The following WFDC1 variants were observed in gnomAD, a reference collection of about 807,000 sequenced individuals.
WFDC1 encodes the protein WAP four-disulfide core domain protein 1.
In WFDC1, 39 loss-of-function variants were observed where a neutral mutation model predicts 32.9. The observed-to-expected ratio is 1.19, with a 90% CI of 0.92 to 1.55. The LOEUF (loss-of-function observed/expected upper bound fraction) is 1.55, where lower values mean the gene tolerates loss of function less well. Among genes scored for constraint, WFDC1 ranks in the 40% most tolerant of loss-of-function variants. The pLI, the probability that WFDC1 is intolerant of heterozygous loss-of-function variation, is 0.00. For synonymous variants in WFDC1, 184 were observed against 137.4 expected (o/e 1.34, Z -2.37); for missense variants, 386 against 309.5 (o/e 1.25, Z -1.85).
At position 84,313,073 on chromosome 16, in the gene WFDC1, A is replaced by T; in HGVS notation, c.257A>T (p.Asp86Val). 2.1e-6 allele frequency: 3 copies of T among 1,421,718 alleles called. No homozygotes were observed. The highest frequency in any genetic ancestry group is 2.7e-6 in the Non-Finnish European group (3 of 1,092,934). 88.1% of individuals were successfully genotyped at this position (1,421,718 alleles called of 1,614,324 possible). The change falls in exon 2 of 7, where the codon GAC becomes GTC. Residue 86 changes from aspartate to valine, a missense_variant. Asp to Val is a radical substitution (Grantham distance 152). Transcript: ENST00000219454. ...TGCCAGGCCGCGCGCTGTCAGGCGGACTCCGAGTGCCCGCGGCACCGGCGC... is the reference window on the plus strand; with the variant it reads ...TGCCAGGCCGCGCGCTGTCAGGCGGTCTCCGAGTGCCCGCGGCACCGGCGC... ...GACQAARCQA[D>V]SECPRHRRCC...
chr16:84,303,478 T>TA (rs34066941), intron 1 of WFDC1, among the ~76,000 whole-genome samples: 13,597 of 142,274 alleles, frequency 0.096, 642 homozygotes, highest in African/African-American at 0.13. Context: ...ATGTTTACTG[T>TA]AAAAAAAAAA....
At chr16:84,309,731 C>G (rs1346911845) in intron 1 of WFDC1, among the ~76,000 whole-genome samples, 1 of 152,100 alleles carries the variant, frequency 6.6e-6, no homozygotes, top group Non-Finnish European at 1.5e-5. Flanking sequence ...CCTTGCCAAT[C>G]CCTGTTCCGG....
rs922216547 is a variant in WFDC1 at position 84,324,402 on chromosome 16, T to C, written c.563-17T>C. 1 of 1,612,832 alleles carries C rather than the reference T, an allele frequency of 6.2e-7. No homozygotes were observed. Among genetic ancestry groups the C allele is most frequent in the African/African-American group, 1.3e-5 (1 of 74,880 alleles). On this transcript the variant is annotated splice_polypyrimidine_tract_variant and intron_variant, in intron 4 of 6. Transcript: ENST00000219454. The stretch of plus-strand genomic sequence containing the variant: ...TAAACTCCTAAAAGAAGTTTTTTCC[T>C]CTCACTTGTTTTCCAGATGGGCGAA...
Position 84,295,116 on chromosome 16 carries a change from G to C in WFDC1, c.144+1G>C. ...TGCGAGGCTGGCCGAGAAATCCCGT[G>C]TAAGTGCCTGGGATGGGGAGGCTGG... On this transcript the variant is annotated splice_donor_variant, in intron 1 of 6. Transcript: ENST00000219454. LOFTEE classifies it high-confidence loss of function. The C allele has an allele frequency of 6.2e-7, 1 of 1,613,660 alleles. No homozygotes were observed. Among genetic ancestry groups the C allele is most frequent in the Non-Finnish European group, 8.5e-7 (1 of 1,179,716 alleles).
chr16:84,298,754 G>C (rs1906758507), intron 1 of WFDC1, among the ~76,000 whole-genome samples: 2 of 152,326 alleles, frequency 1.3e-5, no homozygotes, highest in Middle Eastern at 3.4e-3. Flanking sequence ...TTAATGTCCT[G>C]AGTGCTGTTT....
chr16:84,295,146 G>C (rs369797), intron 1 of WFDC1, 31 bp downstream of exon 1: 2 of 1,609,922 alleles, frequency 1.2e-6, no homozygotes, highest in Admixed American at 1.7e-5. Flanking sequence ...GGCTGGGGCA[G>C]CCTGTGTGGG....
rs374721328 is a variant in WFDC1, at chr16:84,294,999, A to C, written c.28A>C (p.Ser10Arg). The change falls in exon 1 of 7, where the codon AGC becomes CGC. Residue 10 changes from serine to arginine, a missense_variant. Ser to Arg is a moderately radical substitution (Grantham distance 110). Transcript: ENST00000219454. ...GCCTTTAACCGGCGTGGGGCCGGGC[A>C]GCTGCAGGAGGCAGATCATCCGGGC... MPLTGVGPG[S>R]CRRQIIRALC... 7 of 1,613,928 alleles carry C rather than the reference A, an allele frequency of 4.3e-6. No homozygotes were observed. In the African/African-American group the frequency reaches 9.3e-5, roughly 22 times the overall value.
chr16:84,326,002 C>G (rs1419930731), intron 5 of WFDC1: 2 of 151,582 alleles, frequency 1.3e-5, no homozygotes, highest in Non-Finnish European at 2.9e-5. Context: ...ATCCATTCAT[C>G]CATCCACCCA....
intron 1 of WFDC1, 89 bp downstream of exon 1, chr16:84,295,204 TG>T: frequency 6.6e-7 from 1 of 1,522,050 alleles, no homozygotes; most frequent in Non-Finnish European, 8.9e-7. Flanking sequence ...TGCCTTCTCC[TG>T]TAAGTGCTCC....
chr16:84,325,306 A>C (rs750301329), intron 5 of WFDC1, among the ~76,000 whole-genome samples: 1 of 151,542 alleles, frequency 6.6e-6, no homozygotes, highest in Non-Finnish European at 1.5e-5. Flanking sequence ...GGGTTCAAGC[A>C]GTTCTCCTGC....
intron 1 of WFDC1, among the ~76,000 whole-genome samples, chr16:84,298,909 T>C (rs1274451048): frequency 6.6e-6 from 1 of 152,100 alleles, no homozygotes; most frequent in Non-Finnish European, 1.5e-5. Context: ...GGAGTTTCCT[T>C]CTCCTATCTG....
chr16:84,314,087 C>T (rs1190531731), intron 2 of WFDC1, among the ~76,000 whole-genome samples: 2 of 152,048 alleles, frequency 1.3e-5, no homozygotes, highest in African/African-American at 4.8e-5. Context: ...ACGTGCAGCT[C>T]ACGGTGGACC....
chr16:84,302,268 G>C (rs1906986636), intron 1 of WFDC1, among the ~76,000 whole-genome samples: 1 of 152,192 alleles, frequency 6.6e-6, no homozygotes, highest in Non-Finnish European at 1.5e-5. Context: ...TGATGGAAAA[G>C]CCGCAGAAAT....
At position 84,321,173 on chromosome 16, in the gene WFDC1, C is replaced by T. The variant is rs570582855; in HGVS notation, c.562+1602C>T. On this transcript the variant is annotated intron_variant, in intron 4 of 6. Transcript: ENST00000219454. ...CTGCTGTGGGCAGCAAATAACATAA[C>T]CTTTTCAGGCCTCATTTGCCTTTTC... Among the ~76,000 whole-genome samples, 32 of 152,322 alleles carry T rather than the reference C, an allele frequency of 2.1e-4. No homozygotes were observed. The South Asian group carries it at 5.8e-3, about 28-fold the overall frequency.
rs1908787117 is a variant in WFDC1 at position 84,329,305 on chromosome 16, C to T, written c.*16-17C>T. 1 of 152,332 alleles carries T rather than the reference C, an allele frequency of 6.6e-6. No homozygotes were observed. The highest frequency in any genetic ancestry group is 2.4e-5 in the African/African-American group (1 of 41,458). 9.4% of individuals were successfully genotyped at this position (152,332 alleles called of 1,614,324 possible). ...CCTGCAGCGGTTCACCCTGATCCTT[C>T]TTTGCTTGCTTTCCAGCTAGGTTGC... On this transcript the variant is annotated splice_polypyrimidine_tract_variant and intron_variant, in intron 6 of 6. Coordinates refer to ENST00000219454, the MANE Select transcript of WFDC1 (RefSeq NM_021197.4).
intron 4 of WFDC1, 29 bp from the exon 5 acceptor site, chr16:84,324,390 G>T (rs755376443): frequency 1.9e-6 from 3 of 1,610,932 alleles, no homozygotes; most frequent in African/African-American, 1.3e-5. Flanking sequence ...ACTCCTAAAA[G>T]AAGTTTTTTC....
chr16:84,323,242 A>G (rs1277538961), intron 4 of WFDC1, among the ~76,000 whole-genome samples: 4 of 152,262 alleles, frequency 2.6e-5, no homozygotes, highest in African/African-American at 9.6e-5. Context: ...GCTGGTCCCA[A>G]ACAGCCTGAT....
At chr16:84,298,482 T>C (rs1906741588) in intron 1 of WFDC1, among the ~76,000 whole-genome samples, 1 of 152,202 alleles carries the variant, frequency 6.6e-6, no homozygotes, top group Non-Finnish European at 1.5e-5. Context: ...TTTATGTCTT[T>C]TGCATCCGTG....
chr16:84,295,425 A>G (rs1325179571), intron 1 of WFDC1: 2 of 492,116 alleles, frequency 4.1e-6, no homozygotes, highest in African/African-American at 2.0e-5. Flanking sequence ...TCGGAACCCC[A>G]GGATTTAAAC....
Sources: gnomAD v4.1 joint callset for allele counts (sites outside exome capture counted in the v4.1 genomes callset) on GRCh38, gnomAD v4.1.1 for gene constraint, MANE v1.5 for transcripts, NCBI Gene and HGNC (gene_info 2026-07-23, HGNC 2026-07-21) for gene names.